RIN3: variants seen among roughly 807,000 people sequenced by gnomAD.
RIN3 encodes RAB5 interacting protein 3.
In RIN3, 54 loss-of-function variants were observed where a neutral mutation model predicts 76.3. The ratio of observed to expected loss-of-function variants is 0.71; its 90% CI spans 0.57 to 0.89. The LOEUF (loss-of-function observed/expected upper bound fraction) is 0.89. Among genes scored for constraint, RIN3 ranks in the 40% least tolerant of loss-of-function variants. The pLI, the probability that RIN3 is intolerant of heterozygous loss-of-function variation, is 0.00. For missense variants in RIN3, 1,256 were observed against 1,322.1 expected (o/e 0.95, Z 0.78); for synonymous variants, 576 against 564.0 (o/e 1.02, Z -0.30).
intron 5 of RIN3, among the ~76,000 whole-genome samples, chr14:92,649,281 G>A (rs1429613658): frequency 6.6e-6 from 1 of 152,170 alleles, no homozygotes; most frequent in African/African-American, 2.4e-5. Flanking sequence ...AGAGTCTGGA[G>A]GTGGGCACCG....
At chr14:92,626,187 G>T (rs1417513965) in intron 4 of RIN3, among the ~76,000 whole-genome samples, 1 of 152,146 alleles carries the variant, frequency 6.6e-6, no homozygotes, top group Non-Finnish European at 1.5e-5. Flanking sequence ...CCAGCAGACT[G>T]CATTGTTATT....
rs111476145 is a variant in RIN3 at position 92,672,272 on chromosome 14, C to T, written c.2336-4203C>T. On this transcript the variant is annotated intron_variant, in intron 7 of 9. Transcript: ENST00000216487. ...AAAAAAAATACAAAAATTAGCCAGGCGTGGTGGCAAGCACCTATAATGCCA... is the reference window on the plus strand; with the variant it reads ...AAAAAAAATACAAAAATTAGCCAGGTGTGGTGGCAAGCACCTATAATGCCA... Among the ~76,000 whole-genome samples, 524 of 152,110 alleles carry T rather than the reference C, an allele frequency of 3.4e-3. 1 individual carries two copies. The highest frequency in any genetic ancestry group is 0.012 in the African/African-American group (497 of 41,498).
intron 1 of RIN3, among the ~76,000 whole-genome samples, chr14:92,515,811 A>G (rs1319332852): frequency 6.6e-6 from 1 of 152,216 alleles, no homozygotes; most frequent in Non-Finnish European, 1.5e-5. Flanking sequence ...TGTGCTTGGT[A>G]CATTCTAGCA....
At chr14:92,522,625 C>T (rs1489570326) in intron 1 of RIN3, among the ~76,000 whole-genome samples, 2 of 152,094 alleles carry the variant, frequency 1.3e-5, no homozygotes, top group Non-Finnish European at 1.5e-5. Context: ...TCCAAGTCCC[C>T]TCTGTTTTAA....
At chr14:92,662,645 C>T (rs1031064030) in intron 7 of RIN3, among the ~76,000 whole-genome samples, 1 of 152,148 alleles carries the variant, frequency 6.6e-6, no homozygotes, top group East Asian at 1.9e-4. Context: ...ATCGTTTCCC[C>T]TGGGTTTGCT....
intron 1 of RIN3, among the ~76,000 whole-genome samples, chr14:92,528,466 C>G (rs1473516331): frequency 6.6e-6 from 1 of 152,198 alleles, no homozygotes. Flanking sequence ...ATGTAAGGAC[C>G]TAGAACAGAG....
At chr14:92,557,449 T>C (rs1374489656) in intron 2 of RIN3, among the ~76,000 whole-genome samples, 1 of 152,244 alleles carries the variant, frequency 6.6e-6, no homozygotes, top group African/African-American at 2.4e-5. Flanking sequence ...TCCCCTGCTG[T>C]GGTTGCAGCG....
intron 3 of RIN3, among the ~76,000 whole-genome samples, chr14:92,598,659 G>A (rs915396743): frequency 6.6e-6 from 1 of 152,182 alleles, no homozygotes; most frequent in Non-Finnish European, 1.5e-5. Flanking sequence ...AACATGAGTT[G>A]TTAACACTGT....
chr14:92,659,623 T>C (rs998294655), intron 7 of RIN3, 154 bp downstream of exon 7: 12 of 659,174 alleles, frequency 1.8e-5, no homozygotes, highest in Admixed American at 1.4e-4. Context: ...TGGGGTGTAA[T>C]TCCTGGGCCC....
chr14:92,682,829 C>T (rs74072436), intron 8 of RIN3, among the ~76,000 whole-genome samples: 3,740 of 152,194 alleles, frequency 0.025, 156 homozygotes, highest in African/African-American at 0.085. Context: ...AAGGGGCAGA[C>T]GCGATTTGAG....
At chr14:92,662,107 G>A (rs1887909643) in intron 7 of RIN3, among the ~76,000 whole-genome samples, 4 of 152,214 alleles carry the variant, frequency 2.6e-5, no homozygotes, top group Admixed American at 2.0e-4. Flanking sequence ...GGAAAGAGTC[G>A]AGTATGCCCT....
intron 3 of RIN3, among the ~76,000 whole-genome samples, chr14:92,609,964 T>C (rs1375827783): frequency 5.3e-5 from 8 of 152,042 alleles, no homozygotes; most frequent in Admixed American, 5.2e-4. Flanking sequence ...TTCTACTAGA[T>C]AACAGCTTTA....
At chr14:92,613,208 T>A (rs1885815455) in intron 3 of RIN3, among the ~76,000 whole-genome samples, 1 of 152,182 alleles carries the variant, frequency 6.6e-6, no homozygotes, top group East Asian at 1.9e-4. Flanking sequence ...GCCGGAAGTC[T>A]TTTGACCCCA....
chr14:92,617,335 C>T (rs926460853), intron 4 of RIN3, among the ~76,000 whole-genome samples: 1 of 151,970 alleles, frequency 6.6e-6, no homozygotes, highest in Non-Finnish European at 1.5e-5. Flanking sequence ...TTTAAAAATT[C>T]CCCCCTTTTT....
chr14:92,617,791 C>A (rs982233385), intron 4 of RIN3, among the ~76,000 whole-genome samples: 8 of 152,228 alleles, frequency 5.3e-5, no homozygotes, highest in African/African-American at 1.9e-4. Context: ...CATGTGCCAG[C>A]AGCTGCACAG....
intron 9 of RIN3, chr14:92,687,612 G>T (rs1595513347): frequency 2.4e-6 from 1 of 414,956 alleles, no homozygotes; most frequent in South Asian, 3.2e-5. Flanking sequence ...AGGGAGGGAG[G>T]GAATGAATGA....
chr14:92,678,984 G>A (rs568572966), intron 8 of RIN3, among the ~76,000 whole-genome samples: 9 of 152,250 alleles, frequency 5.9e-5, no homozygotes, highest in East Asian at 5.8e-4. Flanking sequence ...ATGGACTTGC[G>A]TCCCCCACCC....
At chr14:92,671,927 C>T (rs1888300853) in intron 7 of RIN3, among the ~76,000 whole-genome samples, 1 of 152,146 alleles carries the variant, frequency 6.6e-6, no homozygotes, top group African/African-American at 2.4e-5. Flanking sequence ...CAAGGACGGG[C>T]CATAAGCAGA....
chr14:92,651,183 G>A (rs1887401697), intron 5 of RIN3, among the ~76,000 whole-genome samples: 1 of 152,150 alleles, frequency 6.6e-6, no homozygotes, highest in Non-Finnish European at 1.5e-5. Flanking sequence ...CCAGCTGGTT[G>A]GCCGCAGGAA....
Sources: gnomAD v4.1 joint callset for allele counts (sites outside exome capture counted in the v4.1 genomes callset) on GRCh38, gnomAD v4.1.1 for gene constraint, MANE v1.5 for transcripts, NCBI Gene and HGNC (gene_info 2026-07-23, HGNC 2026-07-21) for gene names.